The following RIMS2 variants were observed in gnomAD, a reference collection of about 807,000 sequenced individuals.
RIMS2 encodes regulating synaptic membrane exocytosis protein 2.
Under a neutral mutation model 174.4 loss-of-function variants are expected in RIMS2, and 59 were observed. The ratio of observed to expected loss-of-function variants is 0.34; its 90% CI spans 0.27 to 0.42. The LOEUF is 0.42. Ranked by LOEUF, RIMS2 falls within the 10% of genes least tolerant of loss-of-function variation. The pLI, the probability that RIMS2 is intolerant of heterozygous loss-of-function variation, is 1.00. For missense variants in RIMS2, 1,620 were observed against 1,666.3 expected (o/e 0.97, Z 0.48); for synonymous variants, 606 against 572.5 (o/e 1.06, Z -0.84).
At chr8:103,793,984 T>G (rs1240058235) in intron 3 of RIMS2, among the ~76,000 whole-genome samples, 1 of 152,004 alleles carries the variant, frequency 6.6e-6, no homozygotes, top group East Asian at 1.9e-4. Context: ...GAAGAATCAA[T>G]ATCGTGAAAA....
intron 19 of RIMS2, chr8:104,015,447 C>T: frequency 1.4e-6 from 1 of 710,412 alleles, no homozygotes; most frequent in Admixed American, 2.0e-5. Context: ...GGAGATAGAA[C>T]CTTATGAAGG....
At chr8:103,560,776 C>T (rs2091457052) in intron 1 of RIMS2, among the ~76,000 whole-genome samples, 1 of 152,130 alleles carries the variant, frequency 6.6e-6, no homozygotes, top group African/African-American at 2.4e-5. Context: ...TTTATCAAAT[C>T]TCTTAATCAA....
intron 2 of RIMS2, among the ~76,000 whole-genome samples, chr8:103,761,108 T>A (rs2098108096): frequency 6.6e-6 from 1 of 152,206 alleles, no homozygotes; most frequent in Admixed American, 6.5e-5. Flanking sequence ...ACTTTTGGCA[T>A]TTTCCAATTT....
At chr8:103,587,361 C>G (rs1044076710) in intron 1 of RIMS2, among the ~76,000 whole-genome samples, 1 of 148,550 alleles carries the variant, frequency 6.7e-6, no homozygotes, top group Non-Finnish European at 1.5e-5. Flanking sequence ...TTTTACAAGT[C>G]CAGTATTACC....
intron 19 of RIMS2, among the ~76,000 whole-genome samples, chr8:104,062,660 A>G (rs1281235729): frequency 2.0e-5 from 3 of 152,188 alleles, no homozygotes; most frequent in African/African-American, 4.8e-5. Context: ...CAATAGCTGT[A>G]TACACTGATG....
intron 3 of RIMS2, among the ~76,000 whole-genome samples, chr8:103,881,074 C>T (rs1049796615): frequency 6.6e-6 from 1 of 151,250 alleles, no homozygotes; most frequent in Admixed American, 6.6e-5. Context: ...TATAAAGTAA[C>T]AATTTTTTAA....
chr8:103,590,145 T>A (rs891057180), intron 1 of RIMS2, among the ~76,000 whole-genome samples: 1 of 151,438 alleles, frequency 6.6e-6, no homozygotes, highest in Non-Finnish European at 1.5e-5. Flanking sequence ...TTCTTCAGGA[T>A]GTGCTTATTT....
At chr8:103,753,629 ATTCACC>A (rs1201023566) in intron 2 of RIMS2, among the ~76,000 whole-genome samples, 5 of 152,128 alleles carry the variant, frequency 3.3e-5, no homozygotes. Context: ...CTATTCGGAG[ATTCACC>A]TTCTTCCTGG....
intron 3 of RIMS2, among the ~76,000 whole-genome samples, chr8:103,859,573 G>C (rs2099047697): frequency 6.6e-6 from 1 of 151,900 alleles, no homozygotes; most frequent in Admixed American, 6.6e-5. Context: ...ATTGAAAAGA[G>C]GGTAGGTGGA....
intron 19 of RIMS2, among the ~76,000 whole-genome samples, chr8:104,236,805 T>G (rs1163350992): frequency 6.6e-6 from 1 of 152,070 alleles, no homozygotes; most frequent in Non-Finnish European, 1.5e-5. Flanking sequence ...GATGACTAAA[T>G]GTAATGTGGT....
rs373059571 is a variant in RIMS2 at position 103,697,355 on chromosome 8, C to T, written c.387+59C>T. ...TAAGCTTATTGTGTTTATCTATTCACGTTAGAGAGTATGTTAATTCAACCC... is the reference window on the plus strand; with the variant it reads ...TAAGCTTATTGTGTTTATCTATTCATGTTAGAGAGTATGTTAATTCAACCC... On this transcript the variant is annotated intron_variant, in intron 2 of 23. Transcript: ENST00000504942. The T allele has an allele frequency of 9.6e-6, 12 of 1,251,994 alleles. No homozygotes were observed. The East Asian group carries it at 1.4e-4, about 15-fold the overall frequency. 77.6% of individuals were successfully genotyped at this position (1,251,994 alleles called of 1,614,324 possible).
At chr8:103,669,687 A>T (rs1172957865) in intron 1 of RIMS2, among the ~76,000 whole-genome samples, 1 of 152,246 alleles carries the variant, frequency 6.6e-6, no homozygotes, top group Non-Finnish European at 1.5e-5. Flanking sequence ...TTAAAGCTCC[A>T]AAATGATTTC....
chr8:103,800,645 A>G (rs2098600801), intron 3 of RIMS2, among the ~76,000 whole-genome samples: 1 of 152,126 alleles, frequency 6.6e-6, no homozygotes, highest in Admixed American at 6.6e-5. Context: ...ATTGTTTTCA[A>G]ATGCTGCATC....
chr8:103,501,457 T>C (rs1819820304), intron 1 of RIMS2: 1 of 153,524 alleles, frequency 6.5e-6, no homozygotes, highest in Non-Finnish European at 1.4e-5. Context: ...AATATGGCCG[T>C]GCACAGGTGC....
At chr8:103,855,634 C>T (rs993056808) in intron 3 of RIMS2, among the ~76,000 whole-genome samples, 1 of 151,956 alleles carries the variant, frequency 6.6e-6, no homozygotes, top group African/African-American at 2.4e-5. Context: ...TATTGAGGAA[C>T]AAGTTGTTTA....
intron 1 of RIMS2, among the ~76,000 whole-genome samples, chr8:103,582,317 C>T (rs1484022878): frequency 6.6e-6 from 1 of 152,160 alleles, no homozygotes; most frequent in Non-Finnish European, 1.5e-5. Flanking sequence ...TTGGGCGAGC[C>T]TCTGAGACTT....
chr8:104,159,257 A>G (rs181167653), intron 19 of RIMS2, among the ~76,000 whole-genome samples: 9 of 151,954 alleles, frequency 5.9e-5, no homozygotes, highest in Non-Finnish European at 1.3e-4. Flanking sequence ...TGGTCTATAT[A>G]TTTGTTTTGG....
chr8:104,245,859 T>A (rs1216431664), intron 20 of RIMS2, among the ~76,000 whole-genome samples: 1 of 152,226 alleles, frequency 6.6e-6, no homozygotes, highest in Non-Finnish European at 1.5e-5. Flanking sequence ...CACAACAACA[T>A]AAATACAAGA....
chr8:103,561,952 GA>G (rs368980050), intron 1 of RIMS2, among the ~76,000 whole-genome samples: 137 of 152,306 alleles, frequency 9.0e-4, no homozygotes, highest in African/African-American at 3.2e-3. Flanking sequence ...CTTGTGCAGG[GA>G]AACTTGCTCT....
Sources: allele counts gnomAD v4.1 joint callset (sites outside exome capture counted in the v4.1 genomes callset), GRCh38; gene constraint gnomAD v4.1.1; transcripts MANE v1.5; gene names NCBI Gene and HGNC (gene_info 2026-07-23, HGNC 2026-07-21).